Variants in TEAD3 observed in about 807,000 individuals in gnomAD.
TEAD3 encodes the protein TEA domain transcription factor 3.
In TEAD3, 15 loss-of-function variants were observed where a neutral mutation model predicts 55.6. The ratio of observed to expected loss-of-function variants is 0.27; its 90% CI spans 0.18 to 0.42. The LOEUF (loss-of-function observed/expected upper bound fraction) is 0.42, where lower values mean the gene tolerates loss of function less well. Among genes scored for constraint, TEAD3 ranks in the 10% least tolerant of loss-of-function variants. The pLI is 1.00. For missense variants in TEAD3, 407 were observed against 576.8 expected, an observed-to-expected ratio of 0.71 and a Z score of 3.01; for synonymous variants, 210 against 232.2, an observed-to-expected ratio of 0.90 and a Z score of 0.87.
Position 35,485,091 on chromosome 6 carries a change from C to T in TEAD3, c.203-467G>A, listed in dbSNP as rs183870434. On this transcript the variant is annotated intron_variant, in intron 2 of 12. Coordinates refer to ENST00000639578, the Ensembl canonical transcript of TEAD3. This position sits in a 1 kb window ranked among gnomAD's most constrained non-coding sequence, Gnocchi z 4.3. Reference sequence around the variant, plus strand: ...TGTGGGGGCGTGTGAATGAGCCTGCCCCAGGTGGATGTCCTGCCCTTGCTC... The same window carrying T: ...TGTGGGGGCGTGTGAATGAGCCTGCTCCAGGTGGATGTCCTGCCCTTGCTC... 5.7e-4 allele frequency among the ~76,000 whole-genome samples: 87 copies of T among 152,278 alleles called. 1 individual carries two copies. Among genetic ancestry groups the T allele is most frequent in the Non-Finnish European group, 8.2e-4 (56 of 68,022 alleles).
rs777182322 is a variant in TEAD3, at chr6:35,475,995, A to T, written c.824T>A (p.Phe275Tyr). ...CTTCAATCCTCCCTTTTTCTCGGGG[A>T]ATTTGTCATAGATCTGGCGCACATC... The change falls in exon 10 of 13, where the codon TTC becomes TAC. Residue 275 changes from phenylalanine (F) to tyrosine (Y), a missense_variant. By Grantham distance (22) the Phe-to-Tyr change is conservative (BLOSUM62 3). Coordinates refer to ENST00000639578, the Ensembl canonical transcript of TEAD3. The surrounding 1 kb of genome is among the most constrained non-coding windows in gnomAD (Gnocchi z 5.4). 1 of 1,563,492 alleles carries T rather than the reference A, an allele frequency of 6.4e-7. No individual in the cohort carries two copies. Among genetic ancestry groups the T allele is most frequent in the South Asian group, 1.2e-5 (1 of 83,680 alleles).
rs964814149 is a variant in TEAD3, at chr6:35,475,991, G to A, written c.828C>T (p.Pro276=). The change falls in exon 10 of 13, where the codon CCC becomes CCT. Residue 276 remains proline, a synonymous_variant. Coordinates refer to ENST00000639578, the Ensembl canonical transcript of TEAD3. The surrounding 1 kb of genome is among the most constrained non-coding windows in gnomAD (Gnocchi z 5.4). The stretch of plus-strand genomic sequence containing the variant: ...GCTCCTTCAATCCTCCCTTTTTCTC[G>A]GGGAATTTGTCATAGATCTGGCGCA... 2.0e-5 allele frequency: 32 copies of A among 1,564,152 alleles called. No homozygotes were observed. Among genetic ancestry groups the A allele is most frequent in the Middle Eastern group, 1.7e-4 (1 of 5,808 alleles).
At chr6:35,474,698 A>C, downstream of TEAD3, 1 of 251,728 alleles carries the variant, frequency 4.0e-6, no homozygotes, top group Non-Finnish European at 7.7e-6. Context: ...ATGCTCCCCC[A>C]AGGGTGGGTG....
At chr6:35,478,091 A>G (rs541459193) in intron 7 of TEAD3, among the ~76,000 whole-genome samples, 184 bp downstream of exon 7, 6 of 151,350 alleles carry the variant, frequency 4.0e-5, no homozygotes, top group African/African-American at 1.5e-4. Flanking sequence ...GGCCTCAAGC[A>G]ATCCTCCCAC....
At chr6:35,494,667 T>C (rs996655137) in intron 1 of TEAD3, among the ~76,000 whole-genome samples, 5 of 152,098 alleles carry the variant, frequency 3.3e-5, no homozygotes, top group Non-Finnish European at 7.4e-5. Context: ...CTCCCCATCC[T>C]GGGCGGGGAG....
In TEAD3 at chr6:35,486,561, C is replaced by T. The variant is rs757426385; in HGVS notation, c.102G>A (p.Val34=). 3 of 1,613,508 alleles carry T rather than the reference C, an allele frequency of 1.9e-6. No homozygotes were observed. The African/African-American group carries it at 4.0e-5, about 22-fold the overall frequency. ...AGCTCTGCTCGATGTCCGGGCTCCA[C>T]ACGCCCTCCGCATCGTTGTCCAGCC... The change falls in exon 2 of 13, where the codon GTG becomes GTA. Residue 34 remains valine, a synonymous_variant. Coordinates refer to ENST00000639578, the Ensembl canonical transcript of TEAD3. This position sits in a 1 kb window ranked among gnomAD's most constrained non-coding sequence, Gnocchi z 7.3.
chr6:35,482,997 T>G (rs1768293958), intron 3 of TEAD3, among the ~76,000 whole-genome samples: 1 of 152,198 alleles, frequency 6.6e-6, no homozygotes, highest in Non-Finnish European at 1.5e-5. Flanking sequence ...ACTAATTCAA[T>G]GGCTGAGGAT....
chr6:35,497,014 G>GAGCC (rs1768687585), exon 1 of TEAD3: 1 of 151,888 alleles, frequency 6.6e-6, no homozygotes, highest in African/African-American at 2.4e-5. Flanking sequence ...TGTGCGGAAT[G>GAGCC]AGCCGGGCTG....
chr6:35,478,390 T>G (rs1581722624), intron 6 of TEAD3, 44 bp downstream of exon 6: 1 of 1,613,636 alleles, frequency 6.2e-7, no homozygotes, highest in African/African-American at 1.3e-5. Context: ...GCTCATCCTT[T>G]ACAGCACACC....
At position 35,485,284 on chromosome 6, in the gene TEAD3, T is replaced by C. The variant is rs979863415; in HGVS notation, c.203-660A>G. On this transcript the variant is annotated intron_variant, in intron 2 of 12. Transcript: ENST00000639578. The surrounding 1 kb of genome is among the most constrained non-coding windows in gnomAD (Gnocchi z 4.3). ...TGCCTGTCACCCCCATGTCACCAGT[T>C]CCCAGTGTCTCTCCACCCTGTGAGA... 1.3e-5 allele frequency among the ~76,000 whole-genome samples: 2 copies of C among 152,158 alleles called. No individual in the cohort carries two copies. The highest frequency in any genetic ancestry group is 1.3e-4 in the Admixed American group (2 of 15,286).
Position 35,484,033 on chromosome 6 carries a change from C to T in TEAD3, c.267+527G>A, listed in dbSNP as rs1768316864. Among the ~76,000 whole-genome samples, 1 of 152,156 alleles carries T rather than the reference C, an allele frequency of 6.6e-6. No homozygotes were observed. Among genetic ancestry groups the T allele is most frequent in the Non-Finnish European group, 1.5e-5 (1 of 68,024 alleles). On this transcript the variant is annotated intron_variant, in intron 3 of 12. Coordinates refer to ENST00000639578, the Ensembl canonical transcript of TEAD3. The surrounding 1 kb of genome is among the most constrained non-coding windows in gnomAD (Gnocchi z 5.8). ...GGTCTTCTCCCTTTTCTCTGCCTTG[C>T]GAACTCCCATTCCTTCTTAAAAATA...
Position 35,480,444 on chromosome 6 carries a change from C to T in TEAD3, c.268-322G>A, listed in dbSNP as rs369422580. On this transcript the variant is annotated intron_variant, in intron 3 of 12. Coordinates refer to ENST00000639578, the Ensembl canonical transcript of TEAD3. Reference sequence around the variant, plus strand: ...TGAGGAGGCACAGCCATGGGGTGGCCGCGGGCAAGGAGCATCCCAGACCTC... The same window carrying T: ...TGAGGAGGCACAGCCATGGGGTGGCTGCGGGCAAGGAGCATCCCAGACCTC... 7.2e-5 allele frequency: 113 copies of T among 1,561,946 alleles called. No homozygotes were observed. The African/African-American group carries it at 1.0e-3, about 14-fold the overall frequency.
Position 35,486,350 on chromosome 6 carries a change from AGACTCGCCCG to A in TEAD3, c.202+101_202+110del. 7.6e-7 allele frequency: 1 copy of A among 1,309,304 alleles called. No individual in the cohort carries two copies. Among genetic ancestry groups the A allele is most frequent in the African/African-American group, 1.5e-5 (1 of 67,766 alleles). 81.1% of individuals were successfully genotyped at this position (1,309,304 alleles called of 1,614,324 possible). On this transcript the variant is annotated intron_variant, in intron 2 of 12. Transcript: ENST00000639578. This position sits in a 1 kb window ranked among gnomAD's most constrained non-coding sequence, Gnocchi z 7.3. The stretch of plus-strand genomic sequence containing the variant: ...TCCAGACACACAGGCTTGCGCGCCC[AGACTCGCCCG>A]GCCAGCGGCTGGCGGCCTCCGACGT...
rs1018102238 is a variant in TEAD3, at chr6:35,486,019, C to T, written c.202+442G>A. ...AGGGAACGCGTCCCCACAGCCCCAA[C>T]GCAGGCCTTTGTCCCCGTGCGACCT... On this transcript the variant is annotated intron_variant, in intron 2 of 12. Transcript: ENST00000639578. The surrounding 1 kb of genome is among the most constrained non-coding windows in gnomAD (Gnocchi z 7.3). Among the ~76,000 whole-genome samples the T allele has an allele frequency of 6.6e-6, 1 of 152,206 alleles. No individual in the cohort carries two copies. The highest frequency in any genetic ancestry group is 1.5e-5 in the Non-Finnish European group (1 of 68,028).
At position 35,475,499 on chromosome 6, in the gene TEAD3, T is replaced by C. The variant is rs1375406951; in HGVS notation, c.1042-11A>G. 3.7e-6 allele frequency: 6 copies of C among 1,609,176 alleles called. No individual in the cohort carries two copies. The highest frequency in any genetic ancestry group is 5.1e-6 in the Non-Finnish European group (6 of 1,176,222). The stretch of plus-strand genomic sequence containing the variant: ...CCTGGCATACTCAGTCTGCAGAGAA[T>C]ATGGAGAAGGCGTCACTCGGCCTGC... On this transcript the variant is annotated splice_polypyrimidine_tract_variant and intron_variant, in intron 11 of 12. Coordinates refer to ENST00000639578, the Ensembl canonical transcript of TEAD3. This position sits in a 1 kb window ranked among gnomAD's most constrained non-coding sequence, Gnocchi z 5.4.
At chr6:35,477,809 G>GC (rs1238945845) in intron 7 of TEAD3, among the ~76,000 whole-genome samples, 1 of 151,906 alleles carries the variant, frequency 6.6e-6, no homozygotes, top group Non-Finnish European at 1.5e-5. Context: ...AACAGCCAGC[G>GC]CATCAGCTGT....
chr6:35,475,912 G>GA lies in TEAD3; in HGVS notation c.900+6dup. The GA allele has an allele frequency of 6.6e-7, 1 of 1,521,538 alleles. No individual in the cohort carries two copies. The highest frequency in any genetic ancestry group is 2.3e-5 in the East Asian group (1 of 43,678). The allele number at this position is 1,521,538 out of a possible 1,614,324, so 94.3% of individuals were successfully genotyped here. A position where few individuals can be genotyped will look rare whatever the true frequency, so the allele number is the denominator to read the frequency against. On this transcript the variant is annotated splice_region_variant and intron_variant, in intron 10 of 12. Transcript: ENST00000639578. This position sits in a 1 kb window ranked among gnomAD's most constrained non-coding sequence, Gnocchi z 5.4. ...GGCTTGGAGCAGAGAAGGCCAGGGG[G>GA]ACTCACCCAGAACTTGACAAGGAAG...
intron 1 of TEAD3, among the ~76,000 whole-genome samples, chr6:35,492,728 C>T (rs755938039): frequency 1.6e-4 from 24 of 151,968 alleles, no homozygotes; most frequent in Admixed American, 3.3e-4. Flanking sequence ...GATAGTCCCC[C>T]CAGGCCTCCT....
At position 35,492,573 on chromosome 6, in the gene TEAD3, T is replaced by A. The variant is rs1431693764; in HGVS notation, c.-50+4325A>T. ...GGAGGAAGCAATTTGCAGAGCCCAC[T>A]AGGAGGGAGGTGGGGGCCCCTCCAC... On this transcript the variant is annotated intron_variant, in intron 1 of 12. Transcript: ENST00000639578. Among the ~76,000 whole-genome samples, 3 of 151,976 alleles carry A rather than the reference T, an allele frequency of 2.0e-5. No homozygotes were observed. The South Asian group carries it at 6.2e-4, about 32-fold the overall frequency.
Sources: gnomAD v4.1 joint callset for allele counts (sites outside exome capture counted in the v4.1 genomes callset) on GRCh38, gnomAD v4.1.1 for gene constraint, Gnocchi (gnomAD v3.1) non-coding constraint, MANE v1.5 for transcripts, NCBI Gene and HGNC (gene_info 2026-07-23, HGNC 2026-07-21) for gene names.